The following TNIK variants were observed in gnomAD, a reference collection of about 807,000 sequenced individuals.
The protein encoded by TNIK is TRAF2 and NCK interacting kinase.
In TNIK, 49 loss-of-function variants were observed where a neutral mutation model predicts 191.3. That is an observed-to-expected ratio of 0.26 (90% CI 0.20 to 0.32). TNIK has a LOEUF of 0.32. Among genes scored for constraint, TNIK ranks in the 10% least tolerant of loss-of-function variants. TNIK has a pLI of 1.00. For missense variants in TNIK, 1,155 were observed against 1,702.3 expected, an observed-to-expected ratio of 0.68 and a Z score of 5.66; for synonymous variants, 594 against 600.9, an observed-to-expected ratio of 0.99 and a Z score of 0.17.
At chr3:171,420,432 C>T (rs1218035949) in intron 1 of TNIK, among the ~76,000 whole-genome samples, 2 of 152,138 alleles carry the variant, frequency 1.3e-5, no homozygotes, top group Admixed American at 6.5e-5. Flanking sequence ...AGGCCCAGTT[C>T]CAATCCAAAA....
rs1717971608 is a variant in TNIK at position 171,062,863 on chromosome 3, C to T, written c.*1018G>A. ...GTTCAGAGCCTGAATATCATCCACT[C>T]TCCAAGTCCCAGAAAGAACTCAACA... On this transcript the variant is annotated 3_prime_UTR_variant, in exon 33 of 33. Coordinates refer to ENST00000436636, the MANE Select transcript of TNIK (RefSeq NM_015028.4). 6.6e-6 allele frequency: 1 copy of T among 152,152 alleles called. No individual in the cohort carries two copies. Among genetic ancestry groups the T allele is most frequent in the African/African-American group, 2.4e-5 (1 of 41,430 alleles). The allele number at this position is 152,152 out of a possible 1,614,324, so 9.4% of individuals were successfully genotyped here.
Position 171,110,751 on chromosome 3 carries a change from TCCAGGCTGGGAGCCTCCTTGGGAG to T in TNIK, c.2223_2246del (p.Ser741_Gly749delinsArg). On this transcript the variant is annotated inframe_deletion, in exon 19 of 33. Coordinates refer to ENST00000436636, the MANE Select transcript of TNIK (RefSeq NM_015028.4). The stretch of plus-strand genomic sequence containing the variant: ...TGCGTTCACTGGATCCTGCTTGTGA[TCCAGGCTGGGAGCCTCCTTGGGAG>T]CTGGGCTGGGAGCTAGGGGTGCTGG... The T allele has an allele frequency of 6.2e-7, 1 of 1,602,132 alleles. No homozygotes were observed. The highest frequency in any genetic ancestry group is 1.1e-5 in the South Asian group (1 of 88,116).
At chr3:171,412,961 T>G (rs1485442715) in intron 1 of TNIK, among the ~76,000 whole-genome samples, 1 of 152,168 alleles carries the variant, frequency 6.6e-6, no homozygotes, top group Non-Finnish European at 1.5e-5. Context: ...ATCAGGAACA[T>G]GCACACCTCA....
chr3:171,271,956 C>T (rs760661437), intron 2 of TNIK, among the ~76,000 whole-genome samples: 1 of 152,194 alleles, frequency 6.6e-6, no homozygotes, highest in Admixed American at 6.5e-5. Context: ...ATGTGCTTTC[C>T]TTGACACAAC....
chr3:171,362,764 A>T (rs1356514368), intron 2 of TNIK, among the ~76,000 whole-genome samples: 1 of 152,222 alleles, frequency 6.6e-6, no homozygotes, highest in Admixed American at 6.5e-5. Context: ...TTATCTTCAC[A>T]TGACTGGAAC....
chr3:171,282,318 G>A (rs1002827904), intron 2 of TNIK, among the ~76,000 whole-genome samples: 14 of 143,650 alleles, frequency 9.7e-5, no homozygotes, highest in Admixed American at 6.2e-4. Context: ...GGAACTATCT[G>A]CAGATTCTCT....
At chr3:171,191,894 A>G (rs1738107097) in intron 5 of TNIK, among the ~76,000 whole-genome samples, 1 of 152,222 alleles carries the variant, frequency 6.6e-6, no homozygotes. Flanking sequence ...TGGAGTCTTA[A>G]AGCAAATTAT....
chr3:171,230,371 G>T (rs1263711426), intron 2 of TNIK, among the ~76,000 whole-genome samples: 1 of 152,174 alleles, frequency 6.6e-6, no homozygotes, highest in African/African-American at 2.4e-5. Context: ...ACTGAAAGAG[G>T]GTAGGGGAAA....
chr3:171,402,474 T>C lies in TNIK; in HGVS notation c.58-32789A>G, dbSNP rs183807373. On this transcript the variant is annotated intron_variant, in intron 1 of 32. Transcript: ENST00000436636. Reference sequence around the variant, plus strand: ...AATTTGGCTGTGAACCACCTGGCAGTGGACTAAAGAGGGAAACAGGAACAG... The same window carrying C: ...AATTTGGCTGTGAACCACCTGGCAGCGGACTAAAGAGGGAAACAGGAACAG... Among the ~76,000 whole-genome samples, 613 of 152,284 alleles carry C rather than the reference T, an allele frequency of 4.0e-3. 5 individuals carry two copies. Among genetic ancestry groups the C allele is most frequent in the African/African-American group, 0.014 (589 of 41,548 alleles).
At position 171,079,826 on chromosome 3, in the gene TNIK, T is replaced by G. The variant is rs567409510; in HGVS notation, c.3314-174A>C. Among the ~76,000 whole-genome samples, 3 of 152,322 alleles carry G rather than the reference T, an allele frequency of 2.0e-5. No individual in the cohort carries two copies. In the East Asian group the frequency reaches 5.8e-4, roughly 29 times the overall value. ...TTAAAATGGTGTTTCTGCCAGAACT[T>G]ATGGTTAAAATAGCTCTACGTGTTT... On this transcript the variant is annotated intron_variant, in intron 27 of 32. Coordinates refer to ENST00000436636, the MANE Select transcript of TNIK (RefSeq NM_015028.4).
rs568070908 is a variant in TNIK at position 171,138,454 on chromosome 3, G to C, written c.1420-75C>G. 2.2e-5 allele frequency: 30 copies of C among 1,358,048 alleles called. 1 individual carries two copies. The African/African-American group carries it at 3.7e-4, about 17-fold the overall frequency. The allele number at this position is 1,358,048 out of a possible 1,614,324, so 84.1% of individuals were successfully genotyped here. A position where few individuals can be genotyped will look rare whatever the true frequency, so the allele number is the denominator to read the frequency against. On this transcript the variant is annotated intron_variant, in intron 14 of 32. Coordinates refer to ENST00000436636, the MANE Select transcript of TNIK (RefSeq NM_015028.4). The stretch of plus-strand genomic sequence containing the variant: ...GAAATCATCGGCCAGTACCAGATAA[G>C]CATGCAATGGAGGCAAAATAATGCT...
At chr3:171,105,754 C>G (rs568079224) in intron 21 of TNIK, among the ~76,000 whole-genome samples, 1 of 152,152 alleles carries the variant, frequency 6.6e-6, no homozygotes, top group African/African-American at 2.4e-5. Flanking sequence ...TCCTTAATGA[C>G]GGCCCCTCCA....
At chr3:171,354,037 T>C (rs1713636513) in intron 2 of TNIK, among the ~76,000 whole-genome samples, 1 of 152,048 alleles carries the variant, frequency 6.6e-6, no homozygotes, top group Non-Finnish European at 1.5e-5. Context: ...ATTCATGTCT[T>C]AGGGTGACAC....
chr3:171,265,208 A>C (rs1045484876), intron 2 of TNIK, among the ~76,000 whole-genome samples: 2 of 152,106 alleles, frequency 1.3e-5, no homozygotes, highest in African/African-American at 2.4e-5. Flanking sequence ...AAAAGCTGGC[A>C]AATGACAAAA....
intron 2 of TNIK, among the ~76,000 whole-genome samples, chr3:171,295,029 A>G (rs1009233004): frequency 6.5e-5 from 8 of 123,518 alleles, no homozygotes; most frequent in African/African-American, 8.5e-5. Context: ...GAGAGAGAGG[A>G]AAAAAAAAGA....
In TNIK at chr3:171,248,119, T is replaced by A. The variant is rs551541378; in HGVS notation, c.124-19898A>T. Reference sequence around the variant, plus strand: ...AGAAGGTAAGAATGTGGGAAGAAGATGAGTTTGAGAAGAAAGGCAGAGGGA... The same window carrying A: ...AGAAGGTAAGAATGTGGGAAGAAGAAGAGTTTGAGAAGAAAGGCAGAGGGA... On this transcript the variant is annotated intron_variant, in intron 2 of 32. Coordinates refer to ENST00000436636, the MANE Select transcript of TNIK (RefSeq NM_015028.4). Among the ~76,000 whole-genome samples, 315 of 152,114 alleles carry A rather than the reference T, an allele frequency of 2.1e-3. 1 individual carries two copies. Among genetic ancestry groups the A allele is most frequent in the Middle Eastern group, 6.8e-3 (2 of 292 alleles).
chr3:171,362,429 T>C (rs1018556254), intron 2 of TNIK, among the ~76,000 whole-genome samples: 3 of 152,082 alleles, frequency 2.0e-5, no homozygotes, highest in African/African-American at 7.2e-5. Flanking sequence ...ACCATCCTAA[T>C]ATTTAATACA....
At chr3:171,419,918 T>C (rs936875172) in intron 1 of TNIK, among the ~76,000 whole-genome samples, 3 of 152,174 alleles carry the variant, frequency 2.0e-5, no homozygotes. Flanking sequence ...TTTTTCAATA[T>C]CCAACAACAG....
intron 1 of TNIK, among the ~76,000 whole-genome samples, chr3:171,397,187 C>G (rs1354012672): frequency 6.6e-6 from 1 of 152,152 alleles, no homozygotes; most frequent in Non-Finnish European, 1.5e-5. Context: ...TCTCTAAAGC[C>G]TTTGATACAA....
Sources: allele counts gnomAD v4.1 joint callset (sites outside exome capture counted in the v4.1 genomes callset), GRCh38; gene constraint gnomAD v4.1.1; transcripts MANE v1.5; gene names NCBI Gene and HGNC (gene_info 2026-07-23, HGNC 2026-07-21).